Variants in MEI4 observed in about 807,000 individuals in gnomAD.
The protein encoded by MEI4 is meiosis-specific protein MEI4.
MEI4 carries 27 observed loss-of-function variants against 31.4 expected under a neutral mutation model. That is an observed-to-expected ratio of 0.86 (90% CI 0.63 to 1.19). The LOEUF (loss-of-function observed/expected upper bound fraction) is 1.19. Ranked by LOEUF, MEI4 falls within the 50% of genes most tolerant of loss-of-function variation. The pLI, the probability that MEI4 is intolerant of heterozygous loss-of-function variation, is 0.00. For missense variants in MEI4, 329 were observed against 398.9 expected, an observed-to-expected ratio of 0.82 and a Z score of 1.49; for synonymous variants, 122 against 145.4, an observed-to-expected ratio of 0.84 and a Z score of 1.16.
chr6:77,763,934 C>T (rs1024767973), intron 3 of MEI4, among the ~76,000 whole-genome samples: 9 of 152,158 alleles, frequency 5.9e-5, no homozygotes, highest in African/African-American at 2.2e-4. Context: ...CTGCCTCAGC[C>T]TCCCTAGTAA....
rs1458441824 is a variant in MEI4, at chr6:77,845,452, G to C, written c.900+16390G>C. ...GGTCACCTTATTCACTGTATGACTGGATCTCTATGCAATTTTATATCTTAA... is the reference window on the plus strand; with the variant it reads ...GGTCACCTTATTCACTGTATGACTGCATCTCTATGCAATTTTATATCTTAA... On this transcript the variant is annotated intron_variant, in intron 4 of 4. Coordinates refer to ENST00000684080, the MANE Select transcript of MEI4 (RefSeq NM_001322247.2). 4.6e-5 allele frequency among the ~76,000 whole-genome samples: 7 copies of C among 152,114 alleles called. No homozygotes were observed. The Middle Eastern group carries it at 0.01, about 222-fold the overall frequency.
chr6:77,880,714 A>G (rs1038690519), intron 4 of MEI4, among the ~76,000 whole-genome samples: 3 of 152,152 alleles, frequency 2.0e-5, no homozygotes, highest in African/African-American at 7.2e-5. Context: ...CTCCTGCTGC[A>G]CACTTCAAAA....
chr6:77,903,195 G>C (rs1253187893), intron 4 of MEI4, among the ~76,000 whole-genome samples: 1 of 151,538 alleles, frequency 6.6e-6, no homozygotes, highest in Non-Finnish European at 1.5e-5. Flanking sequence ...AGGGCTTTCA[G>C]TACAGAGAGT....
At chr6:77,893,517 A>AT (rs1318075020) in intron 4 of MEI4, among the ~76,000 whole-genome samples, 1 of 152,204 alleles carries the variant, frequency 6.6e-6, no homozygotes, top group Non-Finnish European at 1.5e-5. Flanking sequence ...TTCTATAATT[A>AT]TTTACATATG....
At chr6:77,794,420 G>A (rs541846260) in intron 3 of MEI4, among the ~76,000 whole-genome samples, 12 of 151,986 alleles carry the variant, frequency 7.9e-5, no homozygotes, top group East Asian at 3.9e-4. Context: ...AATATTAGCC[G>A]GGTGTGGTGG....
chr6:77,681,860 T>C (rs1033837311), intron 1 of MEI4, among the ~76,000 whole-genome samples: 2 of 152,206 alleles, frequency 1.3e-5, no homozygotes, highest in Admixed American at 1.3e-4. Flanking sequence ...GACTCTCTGC[T>C]GGAAAGGCTT....
At chr6:77,735,245 A>T (rs1767153275) in intron 2 of MEI4, among the ~76,000 whole-genome samples, 2 of 151,910 alleles carry the variant, frequency 1.3e-5, no homozygotes, top group South Asian at 4.1e-4. Flanking sequence ...ACTTGGCTCC[A>T]TTCTCCCCGT....
intron 2 of MEI4, among the ~76,000 whole-genome samples, chr6:77,743,769 A>G (rs747259293): frequency 1.3e-5 from 2 of 152,190 alleles, no homozygotes; most frequent in Non-Finnish European, 1.5e-5. Context: ...TCTGAGACAA[A>G]ACTTCCAGAG....
intron 3 of MEI4, among the ~76,000 whole-genome samples, chr6:77,815,677 C>T (rs1769672482): frequency 6.6e-6 from 1 of 152,036 alleles, no homozygotes; most frequent in Admixed American, 6.6e-5. Context: ...CTGAGAACTG[C>T]AATAATGAAG....
intron 4 of MEI4, among the ~76,000 whole-genome samples, chr6:77,841,333 A>ATATATATTTTTTTTTTTTTT: frequency 1.1e-4 from 3 of 27,736 alleles, no homozygotes; most frequent in African/African-American, 6.5e-4. Context: ...ATATATATAT[A>ATATATATTTTTTTTTTTTTT]TTTTTTTTTT....
rs1766855653 is a variant in MEI4, at chr6:77,926,843, T to C, written c.*3497T>C. The C allele has an allele frequency of 6.6e-6, 1 of 151,984 alleles. No homozygotes were observed. The highest frequency in any genetic ancestry group is 2.4e-5 in the African/African-American group (1 of 41,430). 9.4% of individuals were successfully genotyped at this position (151,984 alleles called of 1,614,324 possible). A position where few individuals can be genotyped will look rare whatever the true frequency, so the allele number is the denominator to read the frequency against. On this transcript the variant is annotated 3_prime_UTR_variant, in exon 5 of 5. Coordinates refer to ENST00000684080, the MANE Select transcript of MEI4 (RefSeq NM_001322247.2). The stretch of plus-strand genomic sequence containing the variant: ...ATCAATATTTGCTGAAGGAGATAAT[T>C]AACTTGTTAATGTTTATCTAATATT...
At chr6:77,743,383 A>G (rs958732296) in intron 2 of MEI4, among the ~76,000 whole-genome samples, 3 of 152,082 alleles carry the variant, frequency 2.0e-5, no homozygotes, top group Non-Finnish European at 4.4e-5. Context: ...CTTTGAAGCA[A>G]TTGTGAATTG....
chr6:77,905,810 TTAA>T (rs929484502), intron 4 of MEI4, among the ~76,000 whole-genome samples: 4 of 151,262 alleles, frequency 2.6e-5, no homozygotes, highest in African/African-American at 9.7e-5. Flanking sequence ...TTTTTTTTTT[TTAA>T]TAATATAAGA....
At chr6:77,783,202 C>T (rs1513018) in intron 3 of MEI4, among the ~76,000 whole-genome samples, 10 of 152,088 alleles carry the variant, frequency 6.6e-5, no homozygotes, top group African/African-American at 2.4e-4. Flanking sequence ...TTAGGTTTAT[C>T]TAAGAGAAAC....
chr6:77,713,238 A>G (rs572115427), intron 2 of MEI4, among the ~76,000 whole-genome samples: 3 of 152,326 alleles, frequency 2.0e-5, no homozygotes, highest in African/African-American at 7.2e-5. Context: ...ATGGTTAAGG[A>G]TTAATGAGGA....
rs138433954 is a variant in MEI4 at position 77,828,893 on chromosome 6, G to A, written c.769-38G>A. 360 of 1,227,876 alleles carry A rather than the reference G, an allele frequency of 2.9e-4. 1 individual carries two copies. In the African/African-American group the frequency reaches 4.4e-3, roughly 15 times the overall value. 76.1% of individuals were successfully genotyped at this position (1,227,876 alleles called of 1,614,324 possible). On this transcript the variant is annotated intron_variant, in intron 3 of 4. Transcript: ENST00000684080. ...CTTAGAAAATACATTTTGATTTGAC[G>A]TGATGGAATATAGAAACCTACTCAT...
intron 4 of MEI4, among the ~76,000 whole-genome samples, chr6:77,914,265 T>C (rs753663061): frequency 1.1e-4 from 17 of 152,022 alleles, no homozygotes; most frequent in African/African-American, 4.1e-4. Context: ...CTGCTTTTGC[T>C]ATATCCCATG....
chr6:77,731,463 T>G (rs1337418754), intron 2 of MEI4, among the ~76,000 whole-genome samples: 1 of 151,066 alleles, frequency 6.6e-6, no homozygotes, highest in Admixed American at 6.6e-5. Flanking sequence ...TTGCCCACTT[T>G]TTGATGGGGT....
intron 4 of MEI4, among the ~76,000 whole-genome samples, chr6:77,839,098 T>C (rs533897075): frequency 6.6e-6 from 1 of 152,276 alleles, no homozygotes; most frequent in Admixed American, 6.5e-5. Context: ...TAGCAAAATC[T>C]TTAACAGAAA....
Sources: allele counts gnomAD v4.1 joint callset (sites outside exome capture counted in the v4.1 genomes callset), GRCh38; gene constraint gnomAD v4.1.1; transcripts MANE v1.5; gene names NCBI Gene and HGNC (gene_info 2026-07-23, HGNC 2026-07-21).